The following ELP2 variants were observed in gnomAD, a reference collection of about 807,000 sequenced individuals.
ELP2 encodes the protein elongator acetyltransferase complex subunit 2.
Under a neutral mutation model 119.2 loss-of-function variants are expected in ELP2, and 90 were observed. The observed-to-expected ratio is 0.75, with a 90% CI of 0.64 to 0.90. ELP2 has a LOEUF of 0.90. Among genes scored for constraint, ELP2 ranks in the 40% least tolerant of loss-of-function variants. The pLI, the probability that ELP2 is intolerant of heterozygous loss-of-function variation, is 0.00. For synonymous variants in ELP2, 339 were observed against 331.0 expected (o/e 1.02, Z -0.26); for missense variants, 921 against 967.8 (o/e 0.95, Z 0.64).
intron 11 of ELP2, among the ~76,000 whole-genome samples, chr18:36,149,912 ATTG>A (rs751119514): frequency 6.6e-6 from 1 of 152,092 alleles, no homozygotes; most frequent in Non-Finnish European, 1.5e-5. Context: ...ATCTCTACCC[ATTG>A]TTGGACATTA....
chr18:36,156,411 C>T, intron 12 of ELP2, 55 bp from the exon 13 acceptor site: 2 of 1,510,172 alleles, frequency 1.3e-6, no homozygotes, highest in Non-Finnish European at 1.8e-6. Flanking sequence ...TAATAATTTG[C>T]TTATTGAAAA....
At position 36,178,967 on chromosome 18, in the gene ELP2, T is replaced by C. The variant is rs2091279850; in HGVS notation, c.*4326T>C. 6.6e-6 allele frequency: 1 copy of C among 152,238 alleles called. No homozygotes were observed. The highest frequency in any genetic ancestry group is 2.1e-4 in the South Asian group (1 of 4,832). The allele number at this position is 152,238 out of a possible 1,614,324, so 9.4% of individuals were successfully genotyped here. A position where few individuals can be genotyped will look rare whatever the true frequency, so the allele number is the denominator to read the frequency against. ...AGAATGAGCATATCCATAAGTTAAA[T>C]ACAAAAATTGTTACATTGTGAGGAG... is the stretch of plus-strand genomic sequence containing the variant. On this transcript the variant is annotated 3_prime_UTR_variant, in exon 22 of 22. Transcript: ENST00000358232.
At chr18:36,166,325 T>G (rs1383593152) in intron 18 of ELP2, among the ~76,000 whole-genome samples, 5 of 83,288 alleles carry the variant, frequency 6.0e-5, no homozygotes, top group African/African-American at 2.4e-4. Flanking sequence ...TAGGGTTTTT[T>G]TTTTTTTTTT....
intron 5 of ELP2, 110 bp from the exon 6 acceptor site, chr18:36,141,027 G>C (rs1418353375): frequency 2.3e-6 from 2 of 868,606 alleles, no homozygotes; most frequent in Admixed American, 3.4e-5. Flanking sequence ...AGTGGTGTGG[G>C]AAATTGAAGT....
chr18:36,170,112 A>G lies in ELP2; in HGVS notation c.2126A>G (p.Asn709Ser), dbSNP rs73428987. The G allele has an allele frequency of 1.1e-4, 178 of 1,614,110 alleles. No homozygotes were observed. In the African/African-American group the frequency reaches 2.2e-3, roughly 20 times the overall value. ...TCCACTGATGACTGTATTGAGCACAACATTGGCCCCTGCTCCTCAGTCCTG... is the reference window on the plus strand; with the variant it reads ...TCCACTGATGACTGTATTGAGCACAGCATTGGCCCCTGCTCCTCAGTCCTG... ...CDSTDDCIEHNIGPCSSVLDV... is the reference protein window; with the variant it reads ...CDSTDDCIEHSIGPCSSVLDV... Residue 709 changes from asparagine to serine, a missense_variant, in exon 20 of 22, where the codon AAC becomes AGC. Asn to Ser is a conservative substitution (Grantham distance 46). Coordinates refer to ENST00000358232, the MANE Select transcript of ELP2 (RefSeq NM_018255.4).
rs185855027 is a variant in ELP2, at chr18:36,149,594, A to G, written c.1125+3213A>G. ...GGTAGAGGAGAAAAAATAAATTAAA[A>G]AAAAAATTTTTTTGAGGCGATTTGG... On this transcript the variant is annotated intron_variant, in intron 11 of 21. Transcript: ENST00000358232. 2.7e-5 allele frequency among the ~76,000 whole-genome samples: 4 copies of G among 150,484 alleles called. No homozygotes were observed. The Admixed American group carries it at 2.7e-4, about 10-fold the overall frequency.
intron 18 of ELP2, among the ~76,000 whole-genome samples, chr18:36,166,324 T>TC (rs2090899412): frequency 3.9e-5 from 3 of 76,334 alleles, no homozygotes; most frequent in Non-Finnish European, 8.4e-5. Context: ...TTAGGGTTTT[T>TC]TTTTTTTTTT....
At position 36,170,212 on chromosome 18, in the gene ELP2, G is replaced by C. The variant is rs1156766468; in HGVS notation, c.2210+16G>C. ...CTTCTCAACGGTCAGTCTCTGTGTGGGGCTTAGTTTTAAGAGGACCACTTG... is the reference window on the plus strand; with the variant it reads ...CTTCTCAACGGTCAGTCTCTGTGTGCGGCTTAGTTTTAAGAGGACCACTTG... On this transcript the variant is annotated intron_variant, in intron 20 of 21. Coordinates refer to ENST00000358232, the MANE Select transcript of ELP2 (RefSeq NM_018255.4). The C allele has an allele frequency of 6.2e-7, 1 of 1,613,996 alleles. No homozygotes were observed. Among genetic ancestry groups the C allele is most frequent in the South Asian group, 1.1e-5 (1 of 91,076 alleles).
intron 4 of ELP2, 137 bp from the exon 5 acceptor site, chr18:36,138,658 A>G: frequency 3.4e-6 from 3 of 895,020 alleles, no homozygotes; most frequent in Non-Finnish European, 5.5e-6. Flanking sequence ...TTAACTTCAC[A>G]TGGTCAGTGG....
chr18:36,172,743 A>G (rs1044501185), intron 21 of ELP2, among the ~76,000 whole-genome samples: 2 of 152,188 alleles, frequency 1.3e-5, no homozygotes, highest in Non-Finnish European at 2.9e-5. Context: ...TTCAATGGCC[A>G]CCATGTGGGA....
In ELP2 at chr18:36,142,341, G is replaced by C; in HGVS notation, c.649G>C (p.Ala217Pro). ...EDWIRGVEWAAFGRDLFLASC... is the reference protein window; with the variant it reads ...EDWIRGVEWAPFGRDLFLASC... Reference sequence around the variant, plus strand: ...TTGGATTAGAGGAGTGGAATGGGCAGCCTTTGGTCAGTATGAAATTTTGCT... The same window carrying C: ...TTGGATTAGAGGAGTGGAATGGGCACCCTTTGGTCAGTATGAAATTTTGCT... The change falls in exon 7 of 22, where the codon GCC (alanine) becomes CCC (proline). Residue 217 changes from alanine to proline, a missense_variant. Transcript: ENST00000358232. The C allele has an allele frequency of 6.2e-7, 1 of 1,613,862 alleles. No homozygotes were observed. Among genetic ancestry groups the C allele is most frequent in the Non-Finnish European group, 8.5e-7 (1 of 1,179,790 alleles).
intron 18 of ELP2, 81 bp from the exon 19 acceptor site, chr18:36,167,020 A>G (rs1426882134): frequency 5.6e-6 from 8 of 1,430,222 alleles, no homozygotes; most frequent in Non-Finnish European, 7.6e-6. Context: ...TATGGTGTAT[A>G]TGGCACTTAA....
rs1598821004 is a variant in ELP2, at chr18:36,164,486, A to G, written c.1773A>G (p.Lys591=). ...TCTCTGTCCTATAGGCAGCTAAGAA[A>G]GAGCATGCAGCTATCATTCTTTGGA... ...LLASACKAAK[K]EHAAIILWNT... Residue 591 remains lysine, a synonymous_variant, in exon 18 of 22, where the codon AAA becomes AAG. Transcript: ENST00000358232. The G allele has an allele frequency of 1.9e-6, 3 of 1,613,898 alleles. No individual in the cohort carries two copies. Among genetic ancestry groups the G allele is most frequent in the African/African-American group, 2.7e-5 (2 of 74,934 alleles).
chr18:36,171,267 C>A, intron 21 of ELP2, 107 bp downstream of exon 21: 1 of 758,854 alleles, frequency 1.3e-6, no homozygotes, highest in African/African-American at 1.7e-5. Flanking sequence ...TATCTGTATT[C>A]GTCGTGTCTA....
chr18:36,145,846 G>T, intron 9 of ELP2, 102 bp from the exon 10 acceptor site: 1 of 961,650 alleles, frequency 1.0e-6, no homozygotes, highest in East Asian at 2.4e-5. Context: ...ATAATGTGCA[G>T]TGAACATCCT....
rs561853812 is a variant in ELP2, at chr18:36,149,483, G to GTTTTTTTTTTTTTTTTTT, written c.1125+3106_1125+3107insTTTTTTTTTTTTTTTTTT. On this transcript the variant is annotated intron_variant, in intron 11 of 21. Transcript: ENST00000358232. ...ACATAGTTGCAGGGTTTTTTGTTTT[G>GTTTTTTTTTTTTTTTTTT]TTTTGTTTTTTTTTTTTTTGCTTAG... is the stretch of plus-strand genomic sequence containing the variant. Among the ~76,000 whole-genome samples the GTTTTTTTTTTTTTTTTTT allele has an allele frequency of 1.4e-3, 138 of 101,780 alleles. 6 individuals are homozygous for GTTTTTTTTTTTTTTTTTT. The highest frequency in any genetic ancestry group is 1.4e-3 in the Non-Finnish European group (74 of 53,772). The allele number at this position is 101,780 out of a possible 152,430, so 66.8% of individuals were successfully genotyped here.
intron 21 of ELP2, among the ~76,000 whole-genome samples, chr18:36,172,361 ACAATTTCAAATAG>A (rs1489992777): frequency 2.0e-5 from 3 of 152,234 alleles, no homozygotes; most frequent in Admixed American, 6.5e-5. Flanking sequence ...TGTTGAAAAT[ACAATTTCAAATAG>A]CAATTTCAAA....
intron 21 of ELP2, among the ~76,000 whole-genome samples, chr18:36,173,538 A>T (rs1256465072): frequency 6.6e-6 from 1 of 152,240 alleles, no homozygotes; most frequent in African/African-American, 2.4e-5. Context: ...CATTTTCTCT[A>T]GAATAATTTC....
At chr18:36,133,735 TA>T (rs202005744) in intron 2 of ELP2, among the ~76,000 whole-genome samples, 1,781 of 42,724 alleles carry the variant, frequency 0.042, 49 homozygotes, top group African/African-American at 0.088. Context: ...TTTATTTATT[TA>T]TTTTTTTTTT....
Sources: gnomAD v4.1 joint callset for allele counts (sites outside exome capture counted in the v4.1 genomes callset) on GRCh38, gnomAD v4.1.1 for gene constraint, MANE v1.5 for transcripts, NCBI Gene and HGNC (gene_info 2026-07-23, HGNC 2026-07-21) for gene names.